PLXNC1: variants seen among roughly 807,000 people sequenced by gnomAD.
PLXNC1 encodes plexin C1.
In PLXNC1, 75 loss-of-function variants were observed where a neutral mutation model predicts 178.2. That is an observed-to-expected ratio of 0.42 (90% confidence interval 0.35 to 0.51). PLXNC1 has a LOEUF of 0.51. PLXNC1 is among the 20% of genes least tolerant of loss of function. PLXNC1 has a pLI of 0.02. For missense variants in PLXNC1, 1,503 were observed against 1,984.4 expected (o/e 0.76, Z 4.61); for synonymous variants, 790 against 779.9 (o/e 1.01, Z -0.22).
At position 94,244,085 on chromosome 12, in the gene PLXNC1, C is replaced by A. The variant is rs942035204; in HGVS notation, c.2388+60C>A. 10 of 992,798 alleles carry A rather than the reference C, an allele frequency of 1.0e-5. No homozygotes were observed. In the African/African-American group the frequency reaches 1.3e-4, roughly 13 times the overall value. 61.5% of individuals were successfully genotyped at this position (992,798 alleles called of 1,614,324 possible). On this transcript the variant is annotated intron_variant, in intron 12 of 30. Coordinates refer to ENST00000258526, the MANE Select transcript of PLXNC1 (RefSeq NM_005761.3). Reference sequence around the variant, plus strand: ...TTCAAGGATGGTTCTATTTTCATCACACTATGCTATGTTGGGGGTATTTTT... The same window carrying A: ...TTCAAGGATGGTTCTATTTTCATCAAACTATGCTATGTTGGGGGTATTTTT...
rs367881838 is a variant in PLXNC1 at position 94,300,934 on chromosome 12, C to T, written c.4263C>T (p.Asn1421=). The T allele has an allele frequency of 1.9e-6, 3 of 1,612,966 alleles. No individual in the cohort carries two copies. The highest frequency in any genetic ancestry group is 2.5e-6 in the Non-Finnish European group (3 of 1,179,290). ...TNSLPLRFWV[N]ILKNPQFVFD... ...GCCTTCCTCTTCGCTTCTGGGTAAA[C>T]ATCCTGAAGAACCCTCAGTTTGTCT... is the stretch of plus-strand genomic sequence containing the variant. Residue 1421 remains asparagine, a synonymous_variant, in exon 28 of 31, where the codon AAC becomes AAT. Transcript: ENST00000258526.
intron 14 of PLXNC1, 30 bp downstream of exon 14, chr12:94,248,442 C>T (rs776955505): frequency 1.3e-6 from 2 of 1,523,950 alleles, no homozygotes; most frequent in Non-Finnish European, 1.8e-6. Flanking sequence ...CACCTGCTGT[C>T]TTTACCTGAT....
intron 21 of PLXNC1, among the ~76,000 whole-genome samples, chr12:94,271,050 G>A (rs527413340): frequency 3.3e-5 from 5 of 152,054 alleles, no homozygotes; most frequent in African/African-American, 4.8e-5. Context: ...CTGCTTCTAC[G>A]GAACTTCTGA....
chr12:94,193,584 T>G (rs374206719), intron 4 of PLXNC1, among the ~76,000 whole-genome samples: 1 of 152,212 alleles, frequency 6.6e-6, no homozygotes, highest in East Asian at 1.9e-4. Context: ...GATACCCACA[T>G]GTACACTTGA....
chr12:94,270,031 A>G (rs1005092731), intron 21 of PLXNC1, among the ~76,000 whole-genome samples: 4 of 152,230 alleles, frequency 2.6e-5, no homozygotes, highest in Admixed American at 2.0e-4. Context: ...AAAAGTATTT[A>G]CTTTTTTTCT....
rs969618989 is a variant in PLXNC1, at chr12:94,211,549, G to C, written c.1554+1845G>C. 3.9e-5 allele frequency among the ~76,000 whole-genome samples: 6 copies of C among 152,284 alleles called. 1 individual carries two copies. Among genetic ancestry groups the C allele is most frequent in the East Asian group, 1.9e-4 (1 of 5,192 alleles). ...TTCCACCTATTAGCTCTATTCAAAG[G>C]CTATTTGCTACCTGCCTATCATATG... is the stretch of plus-strand genomic sequence containing the variant. On this transcript the variant is annotated intron_variant, in intron 5 of 30. Transcript: ENST00000258526.
chr12:94,171,629 T>C (rs1450214919), intron 2 of PLXNC1, among the ~76,000 whole-genome samples: 2 of 152,260 alleles, frequency 1.3e-5, no homozygotes, highest in Middle Eastern at 3.4e-3. Flanking sequence ...CCGCACACAT[T>C]GGTACTACTC....
chr12:94,264,127 C>T (rs2136086699), intron 20 of PLXNC1, among the ~76,000 whole-genome samples: 2 of 152,188 alleles, frequency 1.3e-5, no homozygotes, highest in Middle Eastern at 3.4e-3. Context: ...GCCTAATGTC[C>T]ATTGATTACG....
intron 17 of PLXNC1, among the ~76,000 whole-genome samples, chr12:94,258,776 T>G (rs1203479265): frequency 4.6e-5 from 7 of 152,216 alleles, no homozygotes; most frequent in Non-Finnish European, 1.0e-4. Context: ...ATGAGGCAAG[T>G]CAGACACAGA....
rs543535997 is a variant in PLXNC1, at chr12:94,275,649, C to T, written c.3598-3823C>T. On this transcript the variant is annotated intron_variant, in intron 21 of 30. Transcript: ENST00000258526. The stretch of plus-strand genomic sequence containing the variant: ...CGGGCGGATCACGAGGTCAGGAGAT[C>T]GAGACCATCCCGGCTAAAACGGTGA... Among the ~76,000 whole-genome samples the T allele has an allele frequency of 6.2e-4, 55 of 88,522 alleles. 12 individuals are homozygous for T. The East Asian group carries it at 0.016, about 25-fold the overall frequency. The allele number at this position is 88,522 out of a possible 152,430, so 58.1% of individuals were successfully genotyped here.
At chr12:94,202,653 G>T (rs759395848) in intron 4 of PLXNC1, among the ~76,000 whole-genome samples, 2 of 152,238 alleles carry the variant, frequency 1.3e-5, no homozygotes. Flanking sequence ...AGGGCAGTGA[G>T]GATGGCACAC....
intron 21 of PLXNC1, among the ~76,000 whole-genome samples, chr12:94,271,720 T>C (rs7957161): frequency 0.072 from 11,029 of 152,292 alleles, 852 homozygotes; most frequent in African/African-American, 0.19. Flanking sequence ...TCTTTCCTGG[T>C]GTGAAGTAGG....
At chr12:94,168,298 A>G (rs1223238240) in intron 1 of PLXNC1, 1 of 152,224 alleles carries the variant, frequency 6.6e-6, no homozygotes, top group African/African-American at 2.4e-5. Context: ...GATTTGTGTA[A>G]CAAACTCAGT....
At chr12:94,276,252 T>G (rs539366509) in intron 21 of PLXNC1, among the ~76,000 whole-genome samples, 1 of 152,314 alleles carries the variant, frequency 6.6e-6, no homozygotes, top group Non-Finnish European at 1.5e-5. Flanking sequence ...CTTTAGAAAC[T>G]GAAGTAGCTT....
intron 23 of PLXNC1, among the ~76,000 whole-genome samples, chr12:94,293,345 T>C (rs2136199175): frequency 1.3e-5 from 2 of 152,328 alleles, no homozygotes; most frequent in South Asian, 4.1e-4. Context: ...TGTCATAGGG[T>C]AGATACCAAC....
At chr12:94,289,315 C>T (rs929424026) in intron 23 of PLXNC1, among the ~76,000 whole-genome samples, 2 of 152,174 alleles carry the variant, frequency 1.3e-5, no homozygotes, top group Admixed American at 6.5e-5. Context: ...CCACTTCTAA[C>T]GTGGGGTGGC....
Position 94,169,151 on chromosome 12 carries a change from A to G in PLXNC1, c.1063-2A>G, listed in dbSNP as rs774230491. The G allele has an allele frequency of 6.2e-7, 1 of 1,612,702 alleles. No individual in the cohort carries two copies. The highest frequency in any genetic ancestry group is 1.7e-5 in the Admixed American group (1 of 59,846). On this transcript the variant is annotated splice_acceptor_variant, in intron 1 of 30. Transcript: ENST00000258526. LOFTEE classifies it high-confidence loss of function. ...TTTTTGTGCGTTTGTGTGCATGTTC[A>G]GAAAGAAGGGGATCAACCTGAAAGA...
chr12:94,177,125 GTGTGTATATATA>G (rs1168607922), intron 2 of PLXNC1, among the ~76,000 whole-genome samples: 3 of 88,888 alleles, frequency 3.4e-5, no homozygotes, highest in Non-Finnish European at 7.3e-5. Context: ...ATATGTGTGT[GTGTGTATATATA>G]TGTGTGTGTG....
At chr12:94,195,185 T>C (rs1962869337) in intron 4 of PLXNC1, among the ~76,000 whole-genome samples, 1 of 152,062 alleles carries the variant, frequency 6.6e-6, no homozygotes. Flanking sequence ...TCCAGCGCCA[T>C]ATTTGTGTTT....
Sources: gnomAD v4.1 joint callset for allele counts (sites outside exome capture counted in the v4.1 genomes callset) on GRCh38, gnomAD v4.1.1 for gene constraint, MANE v1.5 for transcripts, NCBI Gene and HGNC (gene_info 2026-07-23, HGNC 2026-07-21) for gene names.